GDI2: variants seen among roughly 807,000 people sequenced by gnomAD.
GDI2 encodes GDP dissociation inhibitor 2.
Under a neutral mutation model 54.2 loss-of-function variants are expected in GDI2, and 22 were observed. The ratio of observed to expected loss-of-function variants is 0.41; its 90% confidence interval spans 0.29 to 0.58. The LOEUF is 0.58. Ranked by LOEUF, GDI2 falls within the 20% of genes least tolerant of loss-of-function variation. The pLI is 0.35. For synonymous variants in GDI2, 177 were observed against 182.1 expected, an observed-to-expected ratio of 0.97 and a Z score of 0.23; for missense variants, 422 against 546.0, an observed-to-expected ratio of 0.77 and a Z score of 2.26.
At chr10:5,791,520 G>A (rs1167057717) in intron 4 of GDI2, among the ~76,000 whole-genome samples, 2 of 152,248 alleles carry the variant, frequency 1.3e-5, no homozygotes, top group East Asian at 3.9e-4. Flanking sequence ...GGCCAAGGCG[G>A]ACGGATCATC....
chr10:5,778,253 C>T (rs1389241372), intron 6 of GDI2, among the ~76,000 whole-genome samples: 3 of 152,232 alleles, frequency 2.0e-5, no homozygotes, highest in African/African-American at 4.8e-5. Flanking sequence ...ACGTTCTGCA[C>T]ATGTACCCCA....
At chr10:5,812,035 A>C (rs901423619) in intron 1 of GDI2, 2 of 330,446 alleles carry the variant, frequency 6.1e-6, no homozygotes, top group Non-Finnish European at 1.2e-5. Context: ...GGAAGTCTAC[A>C]TTAAATGACT....
Position 5,766,261 on chromosome 10 carries a change from C to T in GDI2, c.1171G>A (p.Asp391Asn). The T allele has an allele frequency of 6.2e-7, 1 of 1,613,862 alleles. No homozygotes were observed. Among genetic ancestry groups the T allele is most frequent in the Non-Finnish European group, 8.5e-7 (1 of 1,179,712 alleles). The stretch of plus-strand genomic sequence containing the variant: ...CTCACCTGGCTTTCTGTTCCCAAGT[C>T]TTTTGGTACCAGGAGGTCACTGATG... ...VSISDLLVPK[D>N]LGTESQIFIS... The change falls in exon 10 of 11, where the codon GAC becomes AAC. Residue 391 changes from aspartate to asparagine, a missense_variant. Physicochemically the swap from Asp to Asn is conservative, Grantham distance 23. Coordinates refer to ENST00000380191, the MANE Select transcript of GDI2 (RefSeq NM_001494.4). This position sits in a 1 kb window ranked among gnomAD's most constrained non-coding sequence, Gnocchi z 5.8.
Position 5,765,766 on chromosome 10 carries a change from T to C in GDI2, c.*240A>G, listed in dbSNP as rs1404730347. On this transcript the variant is annotated 3_prime_UTR_variant, in exon 11 of 11. Coordinates refer to ENST00000380191, the MANE Select transcript of GDI2 (RefSeq NM_001494.4). The stretch of plus-strand genomic sequence containing the variant: ...TATCCCAATGTTTGTTTAACTTCAC[T>C]AGAAAAAAAAAAAGCCAGTTTGGTT... 1.1e-5 allele frequency: 3 copies of C among 276,696 alleles called. No individual in the cohort carries two copies. Among genetic ancestry groups the C allele is most frequent in the East Asian group, 6.1e-5 (1 of 16,396 alleles). 17.1% of individuals were successfully genotyped at this position (276,696 alleles called of 1,614,324 possible). A position where few individuals can be genotyped will look rare whatever the true frequency, so the allele number is the denominator to read the frequency against.
chr10:5,787,451 G>A (rs1415366262), intron 4 of GDI2, among the ~76,000 whole-genome samples: 2 of 151,490 alleles, frequency 1.3e-5, no homozygotes, highest in Non-Finnish European at 2.9e-5. Context: ...AGATTGCACT[G>A]AGCCGAGATT....
intron 4 of GDI2, among the ~76,000 whole-genome samples, chr10:5,790,962 C>A (rs545995044): frequency 4.3e-4 from 65 of 151,986 alleles, no homozygotes; most frequent in Non-Finnish European, 5.6e-4. Context: ...TCAAGACCAG[C>A]CTAGACAATT....
Position 5,813,418 on chromosome 10 carries a change from A to C in GDI2, c.-160T>G. On this transcript the variant is annotated 5_prime_UTR_variant, in exon 1 of 11. Transcript: ENST00000380191. Reference sequence around the variant, plus strand: ...AAGGCGAGACCGACCGCCACCTCAGACGGGAAGAGAAGAACTGGGCGGGGA... The same window carrying C: ...AAGGCGAGACCGACCGCCACCTCAGCCGGGAAGAGAAGAACTGGGCGGGGA... The C allele has an allele frequency of 2.8e-6, 1 of 360,346 alleles. No individual in the cohort carries two copies. Among genetic ancestry groups the C allele is most frequent in the Non-Finnish European group, 5.2e-6 (1 of 190,746 alleles). 22.3% of individuals were successfully genotyped at this position (360,346 alleles called of 1,614,324 possible). A position where few individuals can be genotyped will look rare whatever the true frequency, so the allele number is the denominator to read the frequency against.
In GDI2 at chr10:5,794,185, AAAAATATATATATATATATATAT is replaced by A. The variant is rs1389514498; in HGVS notation, c.388+677_388+699del. Among the ~76,000 whole-genome samples the A allele has an allele frequency of 1.6e-3, 77 of 46,870 alleles. 4 individuals carry two copies. In the South Asian group the frequency reaches 0.029, roughly 17 times the overall value. The allele number at this position is 46,870 out of a possible 152,430, so 30.7% of individuals were successfully genotyped here. A position where few individuals can be genotyped will look rare whatever the true frequency, so the allele number is the denominator to read the frequency against. ...CTGTCTTTAAAAGAAAAAAAAAAAA[AAAAATATATATATATATATATAT>A]ATATATATATATATATATATATATA... On this transcript the variant is annotated intron_variant, in intron 4 of 10. Transcript: ENST00000380191.
At chr10:5,773,765 C>A in intron 7 of GDI2, 77 bp downstream of exon 7, 2 of 735,798 alleles carry the variant, frequency 2.7e-6, no homozygotes, top group Non-Finnish European at 4.8e-6. Context: ...TCAGTGTCCA[C>A]ACCAAAATCA....
At chr10:5,787,412 G>A (rs567284471) in intron 4 of GDI2, among the ~76,000 whole-genome samples, 1 of 152,220 alleles carries the variant, frequency 6.6e-6, no homozygotes, top group South Asian at 2.1e-4. Context: ...GCTGGAGCAG[G>A]AGAATCGCTT....
chr10:5,776,197 G>A lies in GDI2; in HGVS notation c.720-2256C>T. On this transcript the variant is annotated intron_variant, in intron 6 of 10. Transcript: ENST00000380191. This position sits in a 1 kb window ranked among gnomAD's most constrained non-coding sequence, Gnocchi z 5.3. ...AGAAGCCGTGAAGCTGACAGTCTGA[G>A]CAGGCTCATTTTTCACTGGAATTGC... 2.6e-6 allele frequency: 1 copy of A among 377,902 alleles called. No individual in the cohort carries two copies. 23.4% of individuals were successfully genotyped at this position (377,902 alleles called of 1,614,324 possible).
chr10:5,796,772 TA>T lies in GDI2; in HGVS notation c.243del (p.Met82TrpfsTer15). On this transcript the variant is annotated frameshift_variant, in exon 3 of 11. Transcript: ENST00000380191. LOFTEE classifies it high-confidence loss of function. ...DWNVDLIPKF[L>X]MANGQLVKML... ...GTTAGAAATTCTTTACCATTAGCCATAAGGAACTTGGGAATCAAGTCAACAT... is the reference window on the plus strand; with the variant it reads ...GTTAGAAATTCTTTACCATTAGCCATAGGAACTTGGGAATCAAGTCAACAT... 6.8e-7 allele frequency: 1 copy of T among 1,464,560 alleles called. No individual in the cohort carries two copies. The highest frequency in any genetic ancestry group is 9.6e-7 in the Non-Finnish European group (1 of 1,044,572). 90.7% of individuals were successfully genotyped at this position (1,464,560 alleles called of 1,614,324 possible).
chr10:5,812,833 C>T (rs1376647555), intron 1 of GDI2, among the ~76,000 whole-genome samples: 1 of 152,230 alleles, frequency 6.6e-6, no homozygotes, highest in Non-Finnish European at 1.5e-5. Flanking sequence ...GTCCCCTCCG[C>T]CTCGGGTGCT....
intron 4 of GDI2, among the ~76,000 whole-genome samples, chr10:5,787,077 T>A (rs1840896930): frequency 6.6e-6 from 1 of 152,218 alleles, no homozygotes; most frequent in Non-Finnish European, 1.5e-5. Context: ...ATTCCTAAGC[T>A]GTACAGCTAT....
At chr10:5,801,011 C>T (rs532606728) in intron 1 of GDI2, among the ~76,000 whole-genome samples, 1 of 151,914 alleles carries the variant, frequency 6.6e-6, no homozygotes, top group South Asian at 2.1e-4. Flanking sequence ...AGTGCAATGG[C>T]GCAATCTCAG....
At position 5,774,028 on chromosome 10, in the gene GDI2, C is replaced by A. The variant is rs1162867629; in HGVS notation, c.720-87G>T. On this transcript the variant is annotated intron_variant, in intron 6 of 10. Transcript: ENST00000380191. The surrounding 1 kb of genome is among the most constrained non-coding windows in gnomAD (Gnocchi z 4.8). The stretch of plus-strand genomic sequence containing the variant: ...TTCTTAGATCTTAATGAGTTACAGA[C>A]AATATACATTTGTTCAATTTCCTTC... The A allele has an allele frequency of 1.4e-5, 9 of 634,394 alleles. No homozygotes were observed. The highest frequency in any genetic ancestry group is 3.0e-5 in the Admixed American group (1 of 33,130). The allele number at this position is 634,394 out of a possible 1,614,324, so 39.3% of individuals were successfully genotyped here.
At chr10:5,769,065 T>C (rs1444295698) in intron 7 of GDI2, 2 of 152,050 alleles carry the variant, frequency 1.3e-5, no homozygotes, top group East Asian at 1.9e-4. Flanking sequence ...GGCAGGAGAA[T>C]TGCTTGAGCC....
At position 5,768,948 on chromosome 10, in the gene GDI2, C is replaced by T. The variant is rs1840421930; in HGVS notation, c.820-564G>A. ...TATCTAAAACCAAAGACACAGGCAA[C>T]AAAGGAAAGAATTCATGAAAACAGG... On this transcript the variant is annotated intron_variant, in intron 7 of 10. Transcript: ENST00000380191. The surrounding 1 kb of genome is among the most constrained non-coding windows in gnomAD (Gnocchi z 4.4). 1 of 152,046 alleles carries T rather than the reference C, an allele frequency of 6.6e-6. No homozygotes were observed. The highest frequency in any genetic ancestry group is 2.1e-4 in the South Asian group (1 of 4,816). The allele number at this position is 152,046 out of a possible 1,614,324, so 9.4% of individuals were successfully genotyped here. A position where few individuals can be genotyped will look rare whatever the true frequency, so the allele number is the denominator to read the frequency against.
intron 1 of GDI2, among the ~76,000 whole-genome samples, chr10:5,805,870 T>C (rs750815348): frequency 7.9e-5 from 12 of 152,236 alleles, no homozygotes; most frequent in Non-Finnish European, 1.6e-4. Flanking sequence ...GTGTTGCAGA[T>C]GCAGCTGATC....
Sources: allele counts gnomAD v4.1 joint callset (sites outside exome capture counted in the v4.1 genomes callset), GRCh38; gene constraint gnomAD v4.1.1; non-coding constraint Gnocchi (gnomAD v3.1); transcripts MANE v1.5; gene names NCBI Gene and HGNC (gene_info 2026-07-23, HGNC 2026-07-21).